OSBP2: variants seen among roughly 807,000 people sequenced by gnomAD.
The protein encoded by OSBP2 is oxysterol-binding protein 2.
A neutral mutation model predicts 96.0 loss-of-function variants in OSBP2; 66 were observed. That is an observed-to-expected ratio of 0.69 (90% confidence interval 0.56 to 0.84). The LOEUF is 0.84. OSBP2 is among the 40% of genes least tolerant of loss of function. The pLI is 0.00. For missense variants in OSBP2, 1,038 were observed against 1,222.7 expected, an observed-to-expected ratio of 0.85 and a Z score of 2.25; for synonymous variants, 525 against 520.9, an observed-to-expected ratio of 1.01 and a Z score of -0.11.
chr22:30,758,384 G>A (rs1040866649), intron 2 of OSBP2, among the ~76,000 whole-genome samples: 3 of 152,180 alleles, frequency 2.0e-5, no homozygotes, highest in Non-Finnish European at 4.4e-5. Context: ...CTGGGTGACA[G>A]AGCGAGACTC....
chr22:30,768,121 G>C (rs539235581), intron 2 of OSBP2, among the ~76,000 whole-genome samples: 2 of 152,250 alleles, frequency 1.3e-5, no homozygotes, highest in African/African-American at 4.8e-5. Context: ...GGTCACTCGT[G>C]AGTTTGAATG....
At chr22:30,886,060 A>G (rs1291816376) in intron 3 of OSBP2, among the ~76,000 whole-genome samples, 1 of 152,254 alleles carries the variant, frequency 6.6e-6, no homozygotes, top group African/African-American at 2.4e-5. Flanking sequence ...TCTGCAAAAT[A>G]TTTGAAGAGA....
intron 2 of OSBP2, among the ~76,000 whole-genome samples, chr22:30,762,698 C>T (rs910779758): frequency 1.3e-5 from 2 of 152,208 alleles, no homozygotes; most frequent in African/African-American, 4.8e-5. Flanking sequence ...CCCTAGTATC[C>T]AGCCCCTTCC....
At chr22:30,752,548 C>G (rs926001897) in intron 2 of OSBP2, among the ~76,000 whole-genome samples, 3 of 151,840 alleles carry the variant, frequency 2.0e-5, no homozygotes, top group African/African-American at 7.3e-5. Flanking sequence ...CCTTGGCCTC[C>G]CAAAGTGCTA....
chr22:30,804,651 T>C (rs1450282494), intron 2 of OSBP2, among the ~76,000 whole-genome samples: 7 of 152,196 alleles, frequency 4.6e-5, no homozygotes, highest in Non-Finnish European at 7.3e-5. Flanking sequence ...GGGAAGGTCG[T>C]AAGGGAAAAG....
chr22:30,760,277 A>G (rs2090191095), intron 2 of OSBP2, among the ~76,000 whole-genome samples: 1 of 151,722 alleles, frequency 6.6e-6, no homozygotes, highest in Admixed American at 6.6e-5. Context: ...GGATTACAGG[A>G]GTGAGTAATT....
At chr22:30,800,621 T>C (rs2090837223) in intron 2 of OSBP2, among the ~76,000 whole-genome samples, 1 of 152,062 alleles carries the variant, frequency 6.6e-6, no homozygotes. Flanking sequence ...AGAATGAGCA[T>C]GTGTAGTGGC....
intron 2 of OSBP2, among the ~76,000 whole-genome samples, chr22:30,754,846 G>T (rs1215449171): frequency 6.6e-6 from 1 of 152,116 alleles, no homozygotes; most frequent in Non-Finnish European, 1.5e-5. Context: ...TTGCCTCTTG[G>T]GGCTGCCCTT....
intron 12 of OSBP2, among the ~76,000 whole-genome samples, chr22:30,904,289 C>T (rs761640202): frequency 4.7e-4 from 71 of 152,228 alleles, no homozygotes; most frequent in Non-Finnish European, 8.4e-4. Context: ...ACTCTCTCTC[C>T]TTCCTTCCAC....
chr22:30,736,332 C>G (rs151306156), intron 1 of OSBP2, among the ~76,000 whole-genome samples: 2 of 152,144 alleles, frequency 1.3e-5, no homozygotes, highest in African/African-American at 2.4e-5. Context: ...TTCCCTCCCT[C>G]GCTCCCTCAG....
chr22:30,804,634 G>A (rs1407124535), intron 2 of OSBP2, among the ~76,000 whole-genome samples: 1 of 152,206 alleles, frequency 6.6e-6, no homozygotes, highest in Non-Finnish European at 1.5e-5. Context: ...CCAGTGTTCT[G>A]TAGAGAGGGA....
intron 1 of OSBP2, among the ~76,000 whole-genome samples, chr22:30,700,072 C>T (rs1301052997): frequency 6.6e-6 from 1 of 150,684 alleles, no homozygotes; most frequent in Non-Finnish European, 1.5e-5. Flanking sequence ...AAACAATTTT[C>T]CTGCCACAGC....
rs1491303061 is a variant in OSBP2 at position 30,730,808 on chromosome 22, A to ATATT, written c.645-10353_645-10352insTATT. Among the ~76,000 whole-genome samples the ATATT allele has an allele frequency of 8.6e-3, 336 of 39,260 alleles. 39 individuals carry two copies. The highest frequency in any genetic ancestry group is 0.011 in the Non-Finnish European group (243 of 22,862). The allele number at this position is 39,260 out of a possible 152,430, so 25.8% of individuals were successfully genotyped here. On this transcript the variant is annotated intron_variant, in intron 1 of 13. Transcript: ENST00000332585. The stretch of plus-strand genomic sequence containing the variant: ...TATATATATATATATATATATATAT[A>ATATT]ATTTTTTTTTTTTTTCCCATGGACA...
chr22:30,891,537 G>A (rs2039947993), intron 8 of OSBP2, among the ~76,000 whole-genome samples: 1 of 152,234 alleles, frequency 6.6e-6, no homozygotes, highest in Non-Finnish European at 1.5e-5. Context: ...TGGCATGAGT[G>A]TGGGATGCTG....
At chr22:30,723,293 G>C (rs1184281519) in intron 1 of OSBP2, among the ~76,000 whole-genome samples, 1 of 151,842 alleles carries the variant, frequency 6.6e-6, no homozygotes, top group Non-Finnish European at 1.5e-5. Context: ...TTTTAGTAGA[G>C]ACGGGGTTTC....
chr22:30,715,877 A>C (rs1602161631), intron 1 of OSBP2, among the ~76,000 whole-genome samples: 2 of 137,718 alleles, frequency 1.5e-5, no homozygotes, highest in African/African-American at 2.8e-5. Flanking sequence ...TTTTTTTTTA[A>C]CACAGGATCT....
chr22:30,772,879 G>A (rs136322), intron 2 of OSBP2, among the ~76,000 whole-genome samples: 10,180 of 149,236 alleles, frequency 0.068, 345 homozygotes, highest in Middle Eastern at 0.1. Flanking sequence ...TGTAACCTCC[G>A]TCTCCTGGGT....
intron 2 of OSBP2, among the ~76,000 whole-genome samples, chr22:30,839,572 T>G (rs1174813513): frequency 6.6e-6 from 1 of 152,010 alleles, no homozygotes; most frequent in Non-Finnish European, 1.5e-5. Context: ...CTCATTATGG[T>G]TTTGATTTGC....
At chr22:30,858,655 A>G (rs929515263) in intron 2 of OSBP2, among the ~76,000 whole-genome samples, 1 of 151,126 alleles carries the variant, frequency 6.6e-6, no homozygotes, top group Non-Finnish European at 1.5e-5. Context: ...GAGGCGGGCA[A>G]ATCACCTGAG....
Sources: allele counts gnomAD v4.1 joint callset (sites outside exome capture counted in the v4.1 genomes callset), GRCh38; gene constraint gnomAD v4.1.1; transcripts MANE v1.5; gene names NCBI Gene and HGNC (gene_info 2026-07-23, HGNC 2026-07-21).